Variants in FNDC1 observed in about 807,000 individuals in gnomAD.
FNDC1 encodes the protein fibronectin type III domain containing 1, also known as fibronectin type III domain-containing protein 1.
FNDC1 carries 96 observed loss-of-function variants against 168.0 expected under a neutral mutation model. The observed-to-expected ratio is 0.57, with a 90% CI of 0.48 to 0.68. FNDC1 has a LOEUF of 0.68. Ranked by LOEUF, FNDC1 falls within the 30% of genes least tolerant of loss-of-function variation. FNDC1 has a pLI of 0.00. For synonymous variants in FNDC1, 1,099 were observed against 1,025.9 expected (o/e 1.07, Z -1.36); for missense variants, 2,587 against 2,482.1 (o/e 1.04, Z -0.90).
At chr6:159,206,280 G>A (rs1416947691) in intron 4 of FNDC1, among the ~76,000 whole-genome samples, 1 of 152,238 alleles carries the variant, frequency 6.6e-6, no homozygotes, top group Non-Finnish European at 1.5e-5. Context: ...TTCAATCAAA[G>A]CCTTTGGCCA....
rs1203405696 is a variant in FNDC1, at chr6:159,169,985, C to CG, written c.109+284dup. 5.3e-6 allele frequency: 1 copy of CG among 187,726 alleles called. No individual in the cohort carries two copies. Among genetic ancestry groups the CG allele is most frequent in the South Asian group, 2.0e-4 (1 of 5,124 alleles). 11.6% of individuals were successfully genotyped at this position (187,726 alleles called of 1,614,324 possible). A position where few individuals can be genotyped will look rare whatever the true frequency, so the allele number is the denominator to read the frequency against. ...AGTGTCCCGGGAGATTCAGGCACAG[C>CG]GGGGAAAAAAGGAAAAGAAAGGCGA... On this transcript the variant is annotated intron_variant, in intron 1 of 22. Transcript: ENST00000297267. This position sits in a 1 kb window ranked among gnomAD's most constrained non-coding sequence, Gnocchi z 6.8.
intron 18 of FNDC1, among the ~76,000 whole-genome samples, chr6:159,257,905 CTTTTT>C (rs142754305): frequency 2.6e-4 from 34 of 131,562 alleles, no homozygotes; most frequent in Middle Eastern, 3.6e-3. Context: ...GAGTCAATGT[CTTTTT>C]TTTTTTTTTT....
intron 9 of FNDC1, among the ~76,000 whole-genome samples, chr6:159,227,874 G>A (rs1782985484): frequency 6.6e-6 from 1 of 152,174 alleles, no homozygotes; most frequent in Admixed American, 6.5e-5. Context: ...ATGAATCTGT[G>A]CTGGGCCTCA....
intron 1 of FNDC1, among the ~76,000 whole-genome samples, chr6:159,190,724 C>T (rs562544580): frequency 2.0e-5 from 3 of 152,240 alleles, no homozygotes; most frequent in Non-Finnish European, 4.4e-5. Context: ...TTGTTTTGAA[C>T]TCAAATGTTC....
rs1316570656 is a variant in FNDC1 at position 159,233,627 on chromosome 6, G to A, written c.3115G>A (p.Gly1039Arg). ...GCCCAGGCTCTCACTGACCCAGGCC[G>A]GGCGGCCCCGCCCCACGTCGCAGGG... ...SQPRLSLTQAGRPRPTSQGRS... is the reference protein window; with the variant it reads ...SQPRLSLTQARRPRPTSQGRS... Residue 1039 changes from glycine (G) to arginine (R), a missense_variant, in exon 11 of 23, where the codon GGG becomes AGG. Coordinates refer to ENST00000297267, the MANE Select transcript of FNDC1 (RefSeq NM_032532.3). This position sits in a 1 kb window ranked among gnomAD's most constrained non-coding sequence, Gnocchi z 4.6. The A allele has an allele frequency of 2.6e-6, 4 of 1,560,560 alleles. No homozygotes were observed. Among genetic ancestry groups the A allele is most frequent in the Admixed American group, 1.9e-5 (1 of 53,362 alleles).
At chr6:159,268,857 TATCTATCC>T (rs940732199) in intron 22 of FNDC1, among the ~76,000 whole-genome samples, 9 of 102,584 alleles carry the variant, frequency 8.8e-5, no homozygotes, top group Middle Eastern at 0.011. Flanking sequence ...TCTATCTATC[TATCTATCC>T]ATACTGTCTA....
intron 1 of FNDC1, among the ~76,000 whole-genome samples, chr6:159,176,200 G>C (rs939823744): frequency 6.6e-6 from 1 of 152,154 alleles, no homozygotes; most frequent in African/African-American, 2.4e-5. Context: ...CAAAGCAAGG[G>C]GATTGACCTA....
Position 159,271,586 on chromosome 6 carries a change from G to T in FNDC1, c.*144G>T. ...TCATAGATGGACACTGGCCATTCTG[G>T]TCATCTCAGTCTGGAACTCAGTCCC... On this transcript the variant is annotated 3_prime_UTR_variant, in exon 23 of 23. Coordinates refer to ENST00000297267, the MANE Select transcript of FNDC1 (RefSeq NM_032532.3). 4.8e-6 allele frequency: 3 copies of T among 626,200 alleles called. No homozygotes were observed. The highest frequency in any genetic ancestry group is 2.4e-5 in the Admixed American group (1 of 40,900). The allele number at this position is 626,200 out of a possible 1,614,324, so 38.8% of individuals were successfully genotyped here. A position where few individuals can be genotyped will look rare whatever the true frequency, so the allele number is the denominator to read the frequency against.
chr6:159,197,322 A>G, intron 1 of FNDC1, 109 bp from the exon 2 acceptor site: 1 of 1,051,580 alleles, frequency 9.5e-7, no homozygotes, highest in Non-Finnish European at 1.4e-6. Flanking sequence ...TTCGGATCAT[A>G]CTGATTAAAC....
intron 4 of FNDC1, among the ~76,000 whole-genome samples, chr6:159,200,872 G>A (rs959751756): frequency 2.6e-5 from 4 of 152,236 alleles, no homozygotes; most frequent in Non-Finnish European, 5.9e-5. Flanking sequence ...TGGTTGAGAT[G>A]GCAGTACTGA....
intron 3 of FNDC1, 128 bp downstream of exon 3, chr6:159,200,210 C>A (rs774415855): frequency 6.8e-6 from 5 of 731,824 alleles, no homozygotes; most frequent in Non-Finnish European, 9.1e-6. Context: ...ACTTTTTAGA[C>A]TTGTATAGCA....
At position 159,169,624 on chromosome 6, in the gene FNDC1, CGCGCGCCGCGCCGGCTGTCCTGGGCG is replaced by C; in HGVS notation, c.33_58del (p.Pro12AlafsTer18). On this transcript the variant is annotated frameshift_variant, in exon 1 of 23. Transcript: ENST00000297267. LOFTEE classifies it high-confidence loss of function. This position sits in a 1 kb window ranked among gnomAD's most constrained non-coding sequence, Gnocchi z 6.8. ...GGCCCCCGAGGCCGGGGCGACCCTG[CGCGCGCCGCGCCGGCTGTCCTGGGCG>C]GCGCTGCTGCTCTTGGCCGCGCTGC... 8.8e-7 allele frequency: 1 copy of C among 1,137,764 alleles called. No homozygotes were observed. Among genetic ancestry groups the C allele is most frequent in the Middle Eastern group, 3.7e-4 (1 of 2,708 alleles). 70.5% of individuals were successfully genotyped at this position (1,137,764 alleles called of 1,614,324 possible). A position where few individuals can be genotyped will look rare whatever the true frequency, so the allele number is the denominator to read the frequency against.
rs554282439 is a variant in FNDC1, at chr6:159,197,494, C to T, written c.173C>T (p.Thr58Met). ...LLSTKMGLKVTWDPPKDATSR... is the reference protein window; with the variant it reads ...LLSTKMGLKVMWDPPKDATSR... ...TCCACTAAAATGGGCCTGAAAGTCA[C>T]GTGGGACCCACCCAAAGATGCTACC... The change falls in exon 2 of 23, where the codon ACG (threonine) becomes ATG (methionine). Residue 58 changes from threonine to methionine, a missense_variant. Physicochemically the swap from Thr to Met is moderately conservative, Grantham distance 81 (BLOSUM62 -1). Coordinates refer to ENST00000297267, the MANE Select transcript of FNDC1 (RefSeq NM_032532.3). The T allele has an allele frequency of 4.4e-5, 71 of 1,613,930 alleles. No individual in the cohort carries two copies. Among genetic ancestry groups the T allele is most frequent in the African/African-American group, 2.1e-4 (16 of 75,034 alleles).
intron 17 of FNDC1, among the ~76,000 whole-genome samples, chr6:159,255,984 G>A (rs760778189): frequency 5.9e-5 from 9 of 152,208 alleles, no homozygotes; most frequent in Non-Finnish European, 1.3e-4. Flanking sequence ...GCTGTGATTA[G>A]ACAGTGAGGG....
rs1273260056 is a variant in FNDC1 at position 159,271,640 on chromosome 6, T to C, written c.*198T>C. The C allele has an allele frequency of 4.0e-6, 2 of 505,894 alleles. No homozygotes were observed. The highest frequency in any genetic ancestry group is 7.1e-5 in the East Asian group (2 of 28,142). 31.3% of individuals were successfully genotyped at this position (505,894 alleles called of 1,614,324 possible). A position where few individuals can be genotyped will look rare whatever the true frequency, so the allele number is the denominator to read the frequency against. ...TCTTGGCCTGGACAATGAACAGGAT[T>C]CAGTTTTGCTGTTAACTTTGCTTCT... On this transcript the variant is annotated 3_prime_UTR_variant, in exon 23 of 23. Transcript: ENST00000297267.
In FNDC1 at chr6:159,229,884, C is replaced by T; in HGVS notation, c.1250C>T (p.Thr417Ile). 1.2e-6 allele frequency: 2 copies of T among 1,613,998 alleles called. No individual in the cohort carries two copies. Among genetic ancestry groups the T allele is most frequent in the Non-Finnish European group, 1.7e-6 (2 of 1,179,868 alleles). Reference sequence around the variant, plus strand: ...AAGTCCCTCACCTATCCTGGAGACACTACTTCTGCCCTGGTGGATGGTCTG... The same window carrying T: ...AAGTCCCTCACCTATCCTGGAGACATTACTTCTGCCCTGGTGGATGGTCTG... Reference protein sequence around the residue: ...GAKSLTYPGDTTSALVDGLQP... With the variant: ...GAKSLTYPGDITSALVDGLQP... Residue 417 changes from threonine to isoleucine, a missense_variant, in exon 10 of 23, where the codon ACT becomes ATT. By Grantham distance (89) the Thr-to-Ile change is moderately conservative (BLOSUM62 -1). Transcript: ENST00000297267.
intron 1 of FNDC1, among the ~76,000 whole-genome samples, chr6:159,179,012 G>A (rs1160640782): frequency 6.6e-6 from 1 of 152,204 alleles, no homozygotes; most frequent in Non-Finnish European, 1.5e-5. Context: ...TCCAGACTGT[G>A]CATGATCCTT....
intron 17 of FNDC1, among the ~76,000 whole-genome samples, chr6:159,252,340 T>G (rs1350687247): frequency 6.6e-6 from 1 of 152,224 alleles, no homozygotes; most frequent in Non-Finnish European, 1.5e-5. Context: ...TCTGCCATTA[T>G]TGTGCTAGTG....
intron 20 of FNDC1, among the ~76,000 whole-genome samples, chr6:159,265,222 T>C (rs1194125991): frequency 6.6e-6 from 1 of 152,160 alleles, no homozygotes; most frequent in Admixed American, 6.5e-5. Context: ...TCAACATCTA[T>C]GAAAAAACAC....
Sources: gnomAD v4.1 joint callset for allele counts (sites outside exome capture counted in the v4.1 genomes callset) on GRCh38, gnomAD v4.1.1 for gene constraint, Gnocchi (gnomAD v3.1) non-coding constraint, MANE v1.5 for transcripts, NCBI Gene and HGNC (gene_info 2026-07-23, HGNC 2026-07-21) for gene names.